TTC16: variants seen among roughly 807,000 people sequenced by gnomAD.
The protein encoded by TTC16 is tetratricopeptide repeat protein 16.
TTC16 carries 66 observed loss-of-function variants against 80.4 expected under a neutral mutation model. That is an observed-to-expected ratio of 0.82 (90% confidence interval 0.67 to 1.01). The LOEUF (loss-of-function observed/expected upper bound fraction) is 1.01, where lower values mean the gene tolerates loss of function less well. Among genes scored for constraint, TTC16 ranks in the 50% least tolerant of loss-of-function variants. The probability of loss-of-function intolerance (pLI) is 0.00; values close to 1 mark genes in which losing one functional copy is unlikely to be tolerated. For missense variants in TTC16, 1,070 were observed against 1,103.2 expected (o/e 0.97, Z 0.43); for synonymous variants, 438 against 451.3 (o/e 0.97, Z 0.37).
In TTC16 at chr9:127,730,756, C is replaced by G. The variant is rs1276676136; in HGVS notation, c.1973C>G (p.Ser658Cys). 6.2e-7 allele frequency: 1 copy of G among 1,613,614 alleles called. No homozygotes were observed. Among genetic ancestry groups the G allele is most frequent in the Non-Finnish European group, 8.5e-7 (1 of 1,180,048 alleles). ...CTGTTGAAGACGCAATCCTCGGACTCTGGGAACAACAGGGAGGCACTAAGC... is the reference window on the plus strand; with the variant it reads ...CTGTTGAAGACGCAATCCTCGGACTGTGGGAACAACAGGGAGGCACTAAGC... ...SSLLKTQSSDSGNNREALSHG... is the reference protein window; with the variant it reads ...SSLLKTQSSDCGNNREALSHG... The change falls in exon 14 of 14, where the codon TCT becomes TGT. Residue 658 changes from serine (S) to cysteine (C), a missense_variant. Transcript: ENST00000373289.
chr9:127,725,480 C>T (rs1295726562), intron 9 of TTC16, among the ~76,000 whole-genome samples: 4 of 131,844 alleles, frequency 3.0e-5, no homozygotes, highest in South Asian at 5.5e-4. Flanking sequence ...AGGAGAATGG[C>T]GTGAACCCGG....
At position 127,731,206 on chromosome 9, in the gene TTC16, TCTATGACTCAAA is replaced by T; in HGVS notation, c.2426_2437del (p.Tyr809_Asn812del). ...CGAAGTTCCACCAAGACTGAGGCTT[TCTATGACTCAAA>T]CTGGAGCCTCAGCAAAACTGAGTAT... On this transcript the variant is annotated inframe_deletion, in exon 14 of 14. Transcript: ENST00000373289. 6.2e-7 allele frequency: 1 copy of T among 1,612,454 alleles called. No homozygotes were observed. The highest frequency in any genetic ancestry group is 8.5e-7 in the Non-Finnish European group (1 of 1,179,760).
At chr9:127,724,927 GGGGCAGGCCCGAGGGCA>G in intron 9 of TTC16, 30 bp downstream of exon 9, 1 of 1,468,496 alleles carries the variant, frequency 6.8e-7, no homozygotes, top group Non-Finnish European at 9.0e-7. Flanking sequence ...CACGGTGGGC[GGGGCAGGCCCGAGGGCA>G]GGGCGGGCAG....
rs750001191 is a variant in TTC16 at position 127,731,084 on chromosome 9, C to G, written c.2301C>G (p.Ser767Arg). ...CCAGCAAGACCAAGACCACCCGGAG[C>G]CCAAGGCAGAGGCCCAGAAAGGTCA... The part of the protein sequence containing the change: ...QEPSKTKTTR[S>R]PRQRPRKVKA... The change falls in exon 14 of 14, where the codon AGC (serine) becomes AGG (arginine). Residue 767 changes from serine to arginine, a missense_variant. By Grantham distance (110) the Ser-to-Arg change is moderately radical (BLOSUM62 -1). Transcript: ENST00000373289. 1.4e-5 allele frequency: 22 copies of G among 1,612,012 alleles called. No individual in the cohort carries two copies. Among genetic ancestry groups the G allele is most frequent in the Non-Finnish European group, 1.8e-5 (21 of 1,179,634 alleles).
At chr9:127,725,020 C>A in intron 9 of TTC16, 123 bp downstream of exon 9, 1 of 1,203,136 alleles carries the variant, frequency 8.3e-7, no homozygotes, top group East Asian at 2.8e-5. Context: ...ATGGCTCATC[C>A]CTGTAATCCC....
Position 127,729,353 on chromosome 9 carries a change from CT to C in TTC16, c.1765-227del. The C allele has an allele frequency of 3.9e-6, 2 of 511,136 alleles. 1 individual carries two copies. The highest frequency in any genetic ancestry group is 7.0e-6 in the Non-Finnish European group (2 of 284,966). 31.7% of individuals were successfully genotyped at this position (511,136 alleles called of 1,614,324 possible). A position where few individuals can be genotyped will look rare whatever the true frequency, so the allele number is the denominator to read the frequency against. ...TTGAAAAAAACCAAGGCGCTAGCAG[CT>C]CCTTCAACACAACCGTTCTCACGGC... On this transcript the variant is annotated intron_variant, in intron 12 of 13. Transcript: ENST00000373289.
intron 9 of TTC16, among the ~76,000 whole-genome samples, chr9:127,725,855 C>G (rs1409292131): frequency 6.6e-6 from 1 of 152,122 alleles, no homozygotes; most frequent in Non-Finnish European, 1.5e-5. Context: ...CTGCCTTGGC[C>G]TCCCAAAGTG....
intron 1 of TTC16, 186 bp downstream of exon 1, chr9:127,716,349 C>T: frequency 4.7e-6 from 4 of 853,908 alleles, no homozygotes; most frequent in Non-Finnish European, 7.3e-6. Context: ...GCTGCTTGGA[C>T]AGAGGTCTCT....
At chr9:127,716,454 G>C in intron 1 of TTC16, 1 of 566,324 alleles carries the variant, frequency 1.8e-6, no homozygotes, top group South Asian at 2.1e-5. Flanking sequence ...GCTGGAGTGA[G>C]GGTCCTGAAG....
rs773317268 is a variant in TTC16 at position 127,727,044 on chromosome 9, G to C, written c.1500G>C (p.Leu500=). The change falls in exon 11 of 14, where the codon CTG becomes CTC. Residue 500 remains leucine (L), a synonymous_variant. Coordinates refer to ENST00000373289, the MANE Select transcript of TTC16 (RefSeq NM_144965.3). ...EEVLSTQIAH[L]ARLQLEQMVE... ...TGCTTAGCACCCAGATAGCCCACCT[G>C]GCCAGGCTGCAGCTGGAGCAGATGG... The C allele has an allele frequency of 1.2e-6, 2 of 1,612,616 alleles. No homozygotes were observed. Among genetic ancestry groups the C allele is most frequent in the Non-Finnish European group, 1.7e-6 (2 of 1,179,942 alleles).
At chr9:127,726,888 C>T in intron 10 of TTC16, 82 bp from the exon 11 acceptor site, 3 of 1,544,326 alleles carry the variant, frequency 1.9e-6, no homozygotes, top group Non-Finnish European at 1.8e-6. Context: ...CCAAATCTGG[C>T]TGTGCAGGGT....
At chr9:127,724,450 G>A in intron 8 of TTC16, 86 bp downstream of exon 8, 2 of 1,519,990 alleles carry the variant, frequency 1.3e-6, no homozygotes, top group Non-Finnish European at 1.8e-6. Context: ...TGAGGCCCCT[G>A]GGGGGAAGGA....
At chr9:127,729,452 C>A in intron 12 of TTC16, 129 bp from the exon 13 acceptor site, 1 of 729,692 alleles carries the variant, frequency 1.4e-6, no homozygotes, top group Non-Finnish European at 2.3e-6. Flanking sequence ...CCCACTCTAA[C>A]CTGGCACCTT....
chr9:127,727,695 C>G (rs1844094002), intron 12 of TTC16: 1 of 809,728 alleles, frequency 1.2e-6, no homozygotes, highest in African/African-American at 1.7e-5. Context: ...AGAGAGGAGT[C>G]ACAGCCCTGC....
intron 8 of TTC16, 86 bp downstream of exon 8, chr9:127,724,450 G>C: frequency 6.6e-7 from 1 of 1,519,990 alleles, no homozygotes; most frequent in Non-Finnish European, 8.9e-7. Context: ...TGAGGCCCCT[G>C]GGGGGAAGGA....
chr9:127,724,312 C>T lies in TTC16; in HGVS notation c.1065C>T (p.Asn355=), dbSNP rs1472937196. The change falls in exon 8 of 14, where the codon AAC becomes AAT. Residue 355 remains asparagine, a synonymous_variant. Transcript: ENST00000373289. The part of the protein sequence containing the change: ...GAYQEGVLLL[N]KALRDEQQEK... ...ACCAGGAGGGCGTGCTGCTGCTGAA[C>T]AAGGCCCTCCGGGACGAGCAGCAGG... 4 of 1,612,800 alleles carry T rather than the reference C, an allele frequency of 2.5e-6. No homozygotes were observed. The highest frequency in any genetic ancestry group is 3.4e-6 in the Non-Finnish European group (4 of 1,179,968).
rs140724567 is a variant in TTC16 at position 127,720,319 on chromosome 9, C to T, written c.581C>T (p.Thr194Ile). The change falls in exon 6 of 14, where the codon ACC becomes ATC. Residue 194 changes from threonine to isoleucine, a missense_variant. Thr to Ile is a moderately conservative substitution (Grantham distance 89). Transcript: ENST00000373289. ...CATCAGGCCTGCCTCACGCTCATCA[C>T]CAACGAGCTGAAGCAGGACACCACC... ...KQHQACLTLITNELKQDTTNA... is the reference protein window; with the variant it reads ...KQHQACLTLIINELKQDTTNA... 1.9e-6 allele frequency: 3 copies of T among 1,613,414 alleles called. No individual in the cohort carries two copies. The highest frequency in any genetic ancestry group is 2.5e-6 in the Non-Finnish European group (3 of 1,179,998).
At position 127,724,018 on chromosome 9, in the gene TTC16, G is replaced by C. The variant is rs759820082; in HGVS notation, c.873-102G>C. The C allele has an allele frequency of 2.5e-4, 360 of 1,428,830 alleles. 3 individuals carry two copies. The Middle Eastern group carries it at 2.6e-3, about 10-fold the overall frequency. 88.5% of individuals were successfully genotyped at this position (1,428,830 alleles called of 1,614,324 possible). On this transcript the variant is annotated intron_variant, in intron 7 of 13. Coordinates refer to ENST00000373289, the MANE Select transcript of TTC16 (RefSeq NM_144965.3). ...GGATCCCCACTGCCTCCATGGGTCA[G>C]GAGGCCCAGAGCCGGCAGTGGCTTG...
rs993334839 is a variant in TTC16 at position 127,731,330 on chromosome 9, G to C, written c.2547G>C (p.Glu849Asp). Residue 849 changes from glutamate (E) to aspartate (D), a missense_variant, in exon 14 of 14, where the codon GAG becomes GAC. Glu to Asp is a conservative substitution (Grantham distance 45). Transcript: ENST00000373289. ...TGAGCTCAACTTCCAGCAAGGCCGAGTCCACCTGGGGACCCAGCCCAAGTC... is the reference window on the plus strand; with the variant it reads ...TGAGCTCAACTTCCAGCAAGGCCGACTCCACCTGGGGACCCAGCCCAAGTC... The part of the protein sequence containing the change: ...QGMSSTSSKA[E>D]STWGPSPSLS... The C allele has an allele frequency of 2.5e-6, 4 of 1,612,952 alleles. No individual in the cohort carries two copies. In the African/African-American group the frequency reaches 5.3e-5, roughly 22 times the overall value.
Sources: gnomAD v4.1 joint callset for allele counts (sites outside exome capture counted in the v4.1 genomes callset) on GRCh38, gnomAD v4.1.1 for gene constraint, MANE v1.5 for transcripts, NCBI Gene and HGNC (gene_info 2026-07-23, HGNC 2026-07-21) for gene names.